The following TBL1XR1 variants were observed in gnomAD, a reference collection of about 807,000 sequenced individuals.
The protein encoded by TBL1XR1 is TBL1X/Y related 1, also known as F-box-like/WD repeat-containing protein TBL1XR1.
A neutral mutation model predicts 66.9 loss-of-function variants in TBL1XR1; 5 were observed. The observed-to-expected ratio is 0.07, with a 90% CI of 0.04 to 0.16. The LOEUF is 0.16. TBL1XR1 is among the 10% of genes least tolerant of loss of function. The probability of loss-of-function intolerance (pLI) is 1.00; values close to 1 mark genes in which losing one functional copy is unlikely to be tolerated. For synonymous variants in TBL1XR1, 210 were observed against 206.0 expected (o/e 1.02, Z -0.17); for missense variants, 238 against 623.2 (o/e 0.38, Z 6.58).
At chr3:177,098,792 C>T (rs978541133) in intron 1 of TBL1XR1, among the ~76,000 whole-genome samples, 14 of 152,216 alleles carry the variant, frequency 9.2e-5, no homozygotes, top group African/African-American at 3.4e-4. Context: ...TTCATCTGCA[C>T]ACAAGTGGTC....
At chr3:177,192,124 G>C (rs1171902635) in intron 1 of TBL1XR1, among the ~76,000 whole-genome samples, 1 of 141,500 alleles carries the variant, frequency 7.1e-6, no homozygotes, top group Non-Finnish European at 1.5e-5. Context: ...GAAGCTGGGC[G>C]CGGTGGCTCA....
intron 10 of TBL1XR1, among the ~76,000 whole-genome samples, chr3:177,042,891 CATTT>C (rs999328826): frequency 9.9e-5 from 15 of 151,936 alleles, no homozygotes; most frequent in Non-Finnish European, 1.9e-4. Flanking sequence ...AAGAAGGATG[CATTT>C]ATTACTGACT....
chr3:177,106,010 TTAA>T (rs1170866663), intron 1 of TBL1XR1, among the ~76,000 whole-genome samples: 6 of 152,304 alleles, frequency 3.9e-5, no homozygotes, highest in African/African-American at 1.4e-4. Flanking sequence ...AAGTGGTTTA[TTAA>T]TCTAATTTTA....
intron 1 of TBL1XR1, among the ~76,000 whole-genome samples, chr3:177,176,059 T>TA (rs1217018820): frequency 0.033 from 4,206 of 127,448 alleles, 169 homozygotes; most frequent in African/African-American, 0.11. Context: ...ACTCTGTCTC[T>TA]AAAAAAAAAA....
At chr3:177,102,667 C>T (rs1440357339) in intron 1 of TBL1XR1, among the ~76,000 whole-genome samples, 5 of 152,210 alleles carry the variant, frequency 3.3e-5, no homozygotes, top group African/African-American at 1.2e-4. Context: ...ACATTCTCTA[C>T]TCTCACCACA....
chr3:177,029,380 A>C (rs765474594), intron 14 of TBL1XR1, among the ~76,000 whole-genome samples: 26 of 152,248 alleles, frequency 1.7e-4, no homozygotes, highest in Admixed American at 5.2e-4. Flanking sequence ...AATACTTTGG[A>C]AGGCTGAGGC....
chr3:177,113,599 G>A (rs1377786870), intron 1 of TBL1XR1, among the ~76,000 whole-genome samples: 2 of 152,170 alleles, frequency 1.3e-5, no homozygotes, highest in Admixed American at 1.3e-4. Flanking sequence ...AGAAGGTGAA[G>A]GCTGGAGAAT....
chr3:177,171,975 C>T (rs1392350252), intron 1 of TBL1XR1, among the ~76,000 whole-genome samples: 5 of 151,870 alleles, frequency 3.3e-5, no homozygotes, highest in African/African-American at 9.7e-5. Flanking sequence ...AAATTATAAC[C>T]CAAAGAATGG....
intron 2 of TBL1XR1, 111 bp from the exon 3 acceptor site, chr3:177,065,133 T>C (rs1718989314): frequency 4.8e-6 from 3 of 625,652 alleles, no homozygotes; most frequent in Non-Finnish European, 4.9e-6. Context: ...ACGAAGGTTC[T>C]ACATTGCCTA....
chr3:177,184,122 A>G (rs895962376), intron 1 of TBL1XR1, among the ~76,000 whole-genome samples: 2 of 152,190 alleles, frequency 1.3e-5, no homozygotes, highest in African/African-American at 4.8e-5. Context: ...GAGCACAACT[A>G]GAAGGCAAGC....
At chr3:177,027,579 T>C (rs1713323749) in intron 14 of TBL1XR1, 1 of 152,028 alleles carries the variant, frequency 6.6e-6, no homozygotes, top group South Asian at 2.1e-4. Flanking sequence ...TGCAGCTTTA[T>C]GGTAACCTAA....
At chr3:177,051,072 CATTT>C (rs1481795279) in intron 5 of TBL1XR1, among the ~76,000 whole-genome samples, 1 of 151,874 alleles carries the variant, frequency 6.6e-6, no homozygotes, top group Non-Finnish European at 1.5e-5. Flanking sequence ...TGTAAAAATT[CATTT>C]AACAATGGGA....
At chr3:177,159,605 C>T (rs74673762) in intron 1 of TBL1XR1, among the ~76,000 whole-genome samples, 2 of 152,084 alleles carry the variant, frequency 1.3e-5, no homozygotes, top group East Asian at 1.9e-4. Context: ...ATTTATAGCA[C>T]CCCTTTGAAG....
intron 1 of TBL1XR1, among the ~76,000 whole-genome samples, chr3:177,196,721 C>G (rs1174324178): frequency 1.7e-5 from 2 of 116,110 alleles, no homozygotes; most frequent in African/African-American, 6.1e-5. Flanking sequence ...GCTGCAAATC[C>G]TTTCCTGAAA....
intron 2 of TBL1XR1, among the ~76,000 whole-genome samples, chr3:177,072,601 A>T (rs1720170223): frequency 1.3e-5 from 2 of 152,206 alleles, no homozygotes; most frequent in South Asian, 4.1e-4. Flanking sequence ...TAAGTAACAG[A>T]GTTACTTCCG....
chr3:177,076,926 G>A (rs1255532887), intron 2 of TBL1XR1, among the ~76,000 whole-genome samples: 1 of 152,206 alleles, frequency 6.6e-6, no homozygotes. Flanking sequence ...CAGATGATGT[G>A]ATACACACTA....
At chr3:177,114,924 A>G (rs1726120354) in intron 1 of TBL1XR1, among the ~76,000 whole-genome samples, 1 of 151,892 alleles carries the variant, frequency 6.6e-6, no homozygotes, top group Admixed American at 6.6e-5. Context: ...GGTTGCAGTG[A>G]GCCATGATGA....
At chr3:177,132,809 T>C (rs1728462417) in intron 1 of TBL1XR1, among the ~76,000 whole-genome samples, 2 of 152,096 alleles carry the variant, frequency 1.3e-5, no homozygotes, top group South Asian at 2.1e-4. Flanking sequence ...GGAAATTAAA[T>C]CAGAGGCAGG....
At chr3:177,051,860 T>C (rs754918035) in intron 4 of TBL1XR1, 134 bp from the exon 5 acceptor site, 100 of 1,148,382 alleles carry the variant, frequency 8.7e-5, no homozygotes, top group Non-Finnish European at 1.1e-4. Flanking sequence ...TGAATTCATA[T>C]AAGAAGTCCG....
Sources: allele counts gnomAD v4.1 joint callset (sites outside exome capture counted in the v4.1 genomes callset), GRCh38; gene constraint gnomAD v4.1.1; transcripts MANE v1.5; gene names NCBI Gene and HGNC (gene_info 2026-07-23, HGNC 2026-07-21).